The following AGBL4 variants were observed in gnomAD, a reference collection of about 807,000 sequenced individuals.
AGBL4 encodes cytosolic carboxypeptidase 6.
A neutral mutation model predicts 66.4 loss-of-function variants in AGBL4; 58 were observed. The observed-to-expected ratio is 0.87, with a 90% CI of 0.71 to 1.09. AGBL4 has a LOEUF of 1.09. Ranked by LOEUF, AGBL4 falls within the 50% of genes least tolerant of loss-of-function variation. The probability of loss-of-function intolerance (pLI) is 0.00; values close to 1 mark genes in which losing one functional copy is unlikely to be tolerated. For missense variants in AGBL4, 579 were observed against 631.0 expected (o/e 0.92, Z 0.88); for synonymous variants, 234 against 222.9 (o/e 1.05, Z -0.44).
At chr1:49,034,377 C>T (rs1177300046) in intron 5 of AGBL4, among the ~76,000 whole-genome samples, 1 of 152,028 alleles carries the variant, frequency 6.6e-6, no homozygotes, top group Non-Finnish European at 1.5e-5. Context: ...AGCAGCATAA[C>T]CAAACCCAGA....
At chr1:49,691,070 G>A (rs560796295) in intron 3 of AGBL4, among the ~76,000 whole-genome samples, 2 of 152,194 alleles carry the variant, frequency 1.3e-5, no homozygotes, top group South Asian at 2.1e-4. Flanking sequence ...GAAAGAAGGT[G>A]GAGGAGGAGG....
chr1:50,020,047 A>T (rs763507685), intron 1 of AGBL4, among the ~76,000 whole-genome samples: 2 of 152,024 alleles, frequency 1.3e-5, no homozygotes, highest in Non-Finnish European at 2.9e-5. Flanking sequence ...TATACTTTAC[A>T]TATAAAAGCA....
intron 6 of AGBL4, among the ~76,000 whole-genome samples, chr1:48,676,707 C>T (rs1016687764): frequency 2.6e-5 from 4 of 152,156 alleles, no homozygotes; most frequent in East Asian, 1.9e-4. Context: ...AGTTCCTTCA[C>T]GCTTTCCCCT....
chr1:49,372,835 T>C (rs536944538), intron 3 of AGBL4, among the ~76,000 whole-genome samples: 3 of 151,866 alleles, frequency 2.0e-5, no homozygotes, highest in Admixed American at 1.3e-4. Flanking sequence ...CTTGGCTCAC[T>C]GAAGCCTCAA....
intron 3 of AGBL4, among the ~76,000 whole-genome samples, chr1:49,650,409 T>C (rs1317154860): frequency 6.6e-6 from 1 of 152,188 alleles, no homozygotes; most frequent in Non-Finnish European, 1.5e-5. Context: ...TGCTGGGGAA[T>C]GCCTCTGCCC....
intron 5 of AGBL4, among the ~76,000 whole-genome samples, chr1:49,007,894 G>C (rs939658199): frequency 5.3e-5 from 8 of 150,814 alleles, no homozygotes; most frequent in African/African-American, 1.9e-4. Flanking sequence ...ACATGGAAAG[G>C]AACAACCAGT....
In AGBL4 at chr1:49,877,837, T is replaced by G. The variant is rs894781890; in HGVS notation, c.35-26319A>C. ...TATTGATTATTGCCACAATTTCAGC[T>G]CCTGTTATTGGTCTATTCAGAGATT... On this transcript the variant is annotated intron_variant, in intron 1 of 13. Coordinates refer to ENST00000371839, the MANE Select transcript of AGBL4 (RefSeq NM_032785.4). Among the ~76,000 whole-genome samples the G allele has an allele frequency of 2.0e-5, 3 of 151,844 alleles. No homozygotes were observed. In the East Asian group the frequency reaches 5.8e-4, roughly 30 times the overall value.
intron 2 of AGBL4, among the ~76,000 whole-genome samples, chr1:49,838,416 C>T (rs1416821512): frequency 1.3e-5 from 2 of 152,158 alleles, no homozygotes; most frequent in African/African-American, 4.8e-5. Context: ...AGCCAGTTGA[C>T]AACGAAGCCT....
chr1:48,839,179 T>G (rs1434379959), intron 6 of AGBL4, among the ~76,000 whole-genome samples: 1 of 152,088 alleles, frequency 6.6e-6, no homozygotes, highest in Non-Finnish European at 1.5e-5. Flanking sequence ...ATGCTGGATA[T>G]CCATCGAAAA....
intron 6 of AGBL4, among the ~76,000 whole-genome samples, chr1:48,730,826 T>A (rs533235935): frequency 6.6e-6 from 1 of 152,296 alleles, no homozygotes; most frequent in South Asian, 2.1e-4. Flanking sequence ...GTTATAAAAA[T>A]TAACCGGAAC....
At chr1:48,885,753 C>T (rs1479428006) in intron 5 of AGBL4, among the ~76,000 whole-genome samples, 1 of 152,144 alleles carries the variant, frequency 6.6e-6, no homozygotes, top group Non-Finnish European at 1.5e-5. Flanking sequence ...AGAGGCTCCC[C>T]ACTGAGATAA....
intron 6 of AGBL4, among the ~76,000 whole-genome samples, chr1:48,844,740 C>T (rs1406258123): frequency 1.3e-5 from 2 of 152,184 alleles, no homozygotes; most frequent in Non-Finnish European, 2.9e-5. Context: ...TTTGCCTCCA[C>T]TATGGCTTAT....
intron 6 of AGBL4, among the ~76,000 whole-genome samples, chr1:48,750,559 T>G (rs565523604): frequency 2.6e-5 from 4 of 152,312 alleles, no homozygotes; most frequent in African/African-American, 9.6e-5. Flanking sequence ...TCACCCTGCA[T>G]CCCAACTGTC....
At chr1:49,149,329 G>T (rs1646280918) in intron 4 of AGBL4, among the ~76,000 whole-genome samples, 1 of 152,114 alleles carries the variant, frequency 6.6e-6, no homozygotes, top group Admixed American at 6.6e-5. Context: ...GAATGTTGTG[G>T]TCTCTTGGGC....
intron 1 of AGBL4, among the ~76,000 whole-genome samples, chr1:49,929,083 C>T (rs1273918736): frequency 6.6e-6 from 1 of 152,106 alleles, no homozygotes; most frequent in East Asian, 1.9e-4. Context: ...CCAAATACTA[C>T]ATATTCTCAC....
chr1:48,939,865 C>T lies in AGBL4; in HGVS notation c.595-72635G>A, dbSNP rs190865460. Among the ~76,000 whole-genome samples, 720 of 152,288 alleles carry T rather than the reference C, an allele frequency of 4.7e-3. 1 individual carries two copies. The highest frequency in any genetic ancestry group is 0.016 in the African/African-American group (656 of 41,560). On this transcript the variant is annotated intron_variant, in intron 5 of 13. Coordinates refer to ENST00000371839, the MANE Select transcript of AGBL4 (RefSeq NM_032785.4). ...AACCAGGGATAATTTTAACCCACAG[C>T]GGACATCTGATAATATCTGGAGATA...
intron 2 of AGBL4, among the ~76,000 whole-genome samples, chr1:49,816,359 T>C (rs948331682): frequency 3.9e-5 from 6 of 152,138 alleles, no homozygotes; most frequent in Admixed American, 3.9e-4. Context: ...TGCTCAGACA[T>C]GATTTAAGCT....
At chr1:48,857,547 C>T (rs1259805207) in intron 6 of AGBL4, among the ~76,000 whole-genome samples, 1 of 151,992 alleles carries the variant, frequency 6.6e-6, no homozygotes, top group Non-Finnish European at 1.5e-5. Context: ...CAGTGAAACC[C>T]CATCTCTGCT....
At chr1:49,439,970 G>T (rs1260441258) in intron 3 of AGBL4, among the ~76,000 whole-genome samples, 1 of 152,068 alleles carries the variant, frequency 6.6e-6, no homozygotes, top group African/African-American at 2.4e-5. Flanking sequence ...AGTGGTTCTA[G>T]AGGAACAGAA....
Sources: allele counts gnomAD v4.1 joint callset (sites outside exome capture counted in the v4.1 genomes callset), GRCh38; gene constraint gnomAD v4.1.1; transcripts MANE v1.5; gene names NCBI Gene and HGNC (gene_info 2026-07-23, HGNC 2026-07-21).